Variants in TSNAX observed in about 807,000 individuals in gnomAD.
TSNAX encodes translin associated factor X, also known as translin-associated protein X.
A neutral mutation model predicts 33.0 loss-of-function variants in TSNAX; 12 were observed. The observed-to-expected ratio is 0.36, with a 90% CI of 0.23 to 0.59. The LOEUF (loss-of-function observed/expected upper bound fraction) is 0.59, where lower values mean the gene tolerates loss of function less well. TSNAX is among the 20% of genes least tolerant of loss of function. The pLI, the probability that TSNAX is intolerant of heterozygous loss-of-function variation, is 0.74. For missense variants in TSNAX, 267 were observed against 341.3 expected, an observed-to-expected ratio of 0.78 and a Z score of 1.72; for synonymous variants, 110 against 117.2, an observed-to-expected ratio of 0.94 and a Z score of 0.40.
rs368645955 is a variant in TSNAX at position 231,533,141 on chromosome 1, A to G, written c.121+3782A>G. On this transcript the variant is annotated intron_variant, in intron 2 of 5. Transcript: ENST00000366639. ...GCGTGCAGTGGTGCAGTCTCAGCTC[A>G]CTGCAACCTCCGCCTCCCAGGTTCA... Among the ~76,000 whole-genome samples the G allele has an allele frequency of 2.4e-3, 359 of 148,548 alleles. 1 individual carries two copies. Among genetic ancestry groups the G allele is most frequent in the African/African-American group, 8.5e-3 (341 of 39,926 alleles).
At chr1:231,561,034 TGAACTAGA>T in intron 4 of TSNAX, 86 bp from the exon 5 acceptor site, 1 of 1,280,422 alleles carries the variant, frequency 7.8e-7, no homozygotes, top group Non-Finnish European at 1.1e-6. Flanking sequence ...AGCTTTTTTT[TGAACTAGA>T]TGATGATCAA....
intron 4 of TSNAX, among the ~76,000 whole-genome samples, chr1:231,560,901 C>A (rs1295311356): frequency 6.6e-6 from 1 of 152,116 alleles, no homozygotes; most frequent in Non-Finnish European, 1.5e-5. Flanking sequence ...CTGAAGTGAT[C>A]CACCCGCCTT....
intron 5 of TSNAX, among the ~76,000 whole-genome samples, chr1:231,563,805 G>A (rs562024729): frequency 2.6e-4 from 40 of 152,210 alleles, no homozygotes; most frequent in Non-Finnish European, 5.0e-4. Context: ...GGAGAGTGGT[G>A]AAAGGTTTGA....
At chr1:231,534,076 GT>G (rs1658982270) in intron 2 of TSNAX, 1 of 152,030 alleles carries the variant, frequency 6.6e-6, no homozygotes, top group Admixed American at 6.5e-5. Flanking sequence ...TCCCAGTTTT[GT>G]CTTTCTTGAC....
chr1:231,529,482 C>T, intron 2 of TSNAX, 123 bp downstream of exon 2: 1 of 901,624 alleles, frequency 1.1e-6, no homozygotes, highest in South Asian at 1.7e-5. Context: ...TTTGTGATGG[C>T]GCTAGATGTA....
Position 231,538,869 on chromosome 1 carries a change from C to T in TSNAX, c.236+1542C>T, listed in dbSNP as rs140370177. 9.3e-3 allele frequency among the ~76,000 whole-genome samples: 1,401 copies of T among 150,130 alleles called. 29 individuals carry two copies. Among genetic ancestry groups the T allele is most frequent in the African/African-American group, 0.032 (1,303 of 40,692 alleles). ...ATTGATTGAGCCCAGGTGGTCAAGG[C>T]TGCAGTGAGCCATGATTGTGCCACT... On this transcript the variant is annotated intron_variant, in intron 3 of 5. Coordinates refer to ENST00000366639, the MANE Select transcript of TSNAX (RefSeq NM_005999.3).
At position 231,561,268 on chromosome 1, in the gene TSNAX, A is replaced by G. The variant is rs764939403; in HGVS notation, c.495+13A>G. 56 of 1,480,696 alleles carry G rather than the reference A, an allele frequency of 3.8e-5. No homozygotes were observed. The highest frequency in any genetic ancestry group is 5.0e-5 in the Non-Finnish European group (54 of 1,078,944). 91.7% of individuals were successfully genotyped at this position (1,480,696 alleles called of 1,614,324 possible). ...AGAAAATAAAACTGTGAGAATTTAA[A>G]ATTTATTTCACATTTGTTATATAAT... is the stretch of plus-strand genomic sequence containing the variant. On this transcript the variant is annotated intron_variant, in intron 5 of 5. Transcript: ENST00000366639.
intron 1 of TSNAX, 76 bp downstream of exon 1, chr1:231,528,902 T>G: frequency 4.4e-6 from 7 of 1,586,490 alleles, no homozygotes; most frequent in Non-Finnish European, 5.2e-6. Context: ...AGTTTTCCCC[T>G]TTTCACCCTT....
intron 4 of TSNAX, among the ~76,000 whole-genome samples, chr1:231,544,539 T>A (rs181171254): frequency 2.5e-3 from 380 of 152,348 alleles, no homozygotes; most frequent in Middle Eastern, 6.8e-3. Flanking sequence ...CAATTCCTTA[T>A]TAGTGCATGA....
chr1:231,546,970 C>T (rs1001408718), intron 4 of TSNAX, among the ~76,000 whole-genome samples: 7 of 152,154 alleles, frequency 4.6e-5, no homozygotes, highest in African/African-American at 1.7e-4. Flanking sequence ...GTCACATGGC[C>T]ACACCAGCCT....
chr1:231,561,889 G>A (rs1183285669), intron 5 of TSNAX, among the ~76,000 whole-genome samples: 5 of 152,176 alleles, frequency 3.3e-5, no homozygotes, highest in Non-Finnish European at 5.9e-5. Context: ...ACACGGAAGT[G>A]CTCAGTAGTT....
chr1:231,532,186 A>ACACACACACACACAC, intron 2 of TSNAX, among the ~76,000 whole-genome samples: 2 of 115,950 alleles, frequency 1.7e-5, no homozygotes, highest in Non-Finnish European at 3.7e-5. Context: ...ACACACACAC[A>ACACACACACACACAC]GTTTTGGTTT....
chr1:231,552,289 A>G (rs1182292940), intron 4 of TSNAX, among the ~76,000 whole-genome samples: 1 of 151,176 alleles, frequency 6.6e-6, no homozygotes, highest in African/African-American at 2.4e-5. Context: ...GTTGTCTCAG[A>G]AAAAAAACCA....
intron 2 of TSNAX, 149 bp from the exon 3 acceptor site, chr1:231,537,064 C>T (rs1659228307): frequency 7.7e-6 from 4 of 522,112 alleles, no homozygotes; most frequent in Admixed American, 3.8e-5. Context: ...ATCTCTTGAC[C>T]TCATGATCCA....
intron 4 of TSNAX, among the ~76,000 whole-genome samples, chr1:231,544,554 G>C (rs1659782243): frequency 6.6e-6 from 1 of 152,162 alleles, no homozygotes; most frequent in Non-Finnish European, 1.5e-5. Context: ...GCATGATTAG[G>C]CTCTACTAAT....
Position 231,541,424 on chromosome 1 carries a change from G to A in TSNAX, c.237-1057G>A, listed in dbSNP as rs141400150. ...TTAACACAGTACCATGCAAAGTAAG[G>A]ACTACTTATCATTTCGCGTATGGTA... On this transcript the variant is annotated intron_variant, in intron 3 of 5. Transcript: ENST00000366639. Among the ~76,000 whole-genome samples, 1,412 of 152,204 alleles carry A rather than the reference G, an allele frequency of 9.3e-3. 27 individuals carry two copies. Among genetic ancestry groups the A allele is most frequent in the African/African-American group, 0.032 (1,313 of 41,534 alleles).
chr1:231,544,588 A>G (rs1357517656), intron 4 of TSNAX, among the ~76,000 whole-genome samples: 1 of 152,220 alleles, frequency 6.6e-6, no homozygotes, highest in Non-Finnish European at 1.5e-5. Flanking sequence ...AGTTCCCCAA[A>G]TATCTGTGGG....
At chr1:231,552,984 T>G (rs1027542303) in intron 4 of TSNAX, among the ~76,000 whole-genome samples, 3 of 152,236 alleles carry the variant, frequency 2.0e-5, no homozygotes, top group African/African-American at 4.8e-5. Context: ...TTTGTTAATC[T>G]ATCATCAGTT....
intron 5 of TSNAX, 33 bp downstream of exon 5, chr1:231,561,288 T>C: frequency 2.8e-6 from 4 of 1,413,090 alleles, no homozygotes; most frequent in Non-Finnish European, 3.9e-6. Context: ...ACATTTGTTA[T>C]ATAATTTATG....
Sources: allele counts gnomAD v4.1 joint callset (sites outside exome capture counted in the v4.1 genomes callset), GRCh38; gene constraint gnomAD v4.1.1; transcripts MANE v1.5; gene names NCBI Gene and HGNC (gene_info 2026-07-23, HGNC 2026-07-21).